Variants in EEF2K observed in about 807,000 individuals in gnomAD.
EEF2K encodes the protein eukaryotic elongation factor 2 kinase, also known as alternative protein EEF2K.
Under a neutral mutation model 93.8 loss-of-function variants are expected in EEF2K, and 70 were observed. The ratio of observed to expected loss-of-function variants is 0.75; its 90% CI spans 0.62 to 0.91. The LOEUF (loss-of-function observed/expected upper bound fraction) is 0.91. Ranked by LOEUF, EEF2K falls within the 40% of genes least tolerant of loss-of-function variation. EEF2K has a pLI of 0.00. For synonymous variants in EEF2K, 376 were observed against 380.8 expected (o/e 0.99, Z 0.15); for missense variants, 935 against 972.9 (o/e 0.96, Z 0.52).
In EEF2K at chr16:22,264,884, A is replaced by G. The variant is rs374793102; in HGVS notation, c.1440+4A>G. ...CAGCCTGGGCAGCTCTGGACGGGTAATGCGCCCTGAGGCACCCTTGTCTCT... is the reference window on the plus strand; with the variant it reads ...CAGCCTGGGCAGCTCTGGACGGGTAGTGCGCCCTGAGGCACCCTTGTCTCT... On this transcript the variant is annotated splice_donor_region_variant and intron_variant, in intron 13 of 17. Transcript: ENST00000263026. 55 of 1,613,840 alleles carry G rather than the reference A, an allele frequency of 3.4e-5. No homozygotes were observed. In the East Asian group the frequency reaches 5.3e-4, roughly 16 times the overall value.
At position 22,206,324 on chromosome 16, in the gene EEF2K, C is replaced by T. The variant is rs966616748; in HGVS notation, c.-432C>T. On this transcript the variant is annotated 5_prime_UTR_variant, in exon 1 of 18. Transcript: ENST00000263026. The stretch of plus-strand genomic sequence containing the variant: ...GCTTCAGCCTCAGCTCCCCTCCTTC[C>T]TGGATCGAGCGCCCGCACTCCCGGC... 1 of 153,020 alleles carries T rather than the reference C, an allele frequency of 6.5e-6. No individual in the cohort carries two copies. Among genetic ancestry groups the T allele is most frequent in the Non-Finnish European group, 1.5e-5 (1 of 68,712 alleles). The allele number at this position is 153,020 out of a possible 1,614,324, so 9.5% of individuals were successfully genotyped here. A position where few individuals can be genotyped will look rare whatever the true frequency, so the allele number is the denominator to read the frequency against.
intron 17 of EEF2K, among the ~76,000 whole-genome samples, chr16:22,280,663 C>CTTTTTT (rs11289061): frequency 5.4e-5 from 7 of 130,158 alleles, no homozygotes; most frequent in South Asian, 2.4e-4. Context: ...TCCTTTCTTT[C>CTTTTTT]TTTTTTTTTT....
At position 22,280,388 on chromosome 16, in the gene EEF2K, C is replaced by A. The variant is rs759861477; in HGVS notation, c.2068+12C>A. On this transcript the variant is annotated intron_variant, in intron 17 of 17. Coordinates refer to ENST00000263026, the MANE Select transcript of EEF2K (RefSeq NM_013302.5). Reference sequence around the variant, plus strand: ...CCCGCAGAGATCAGGTAGGGCCTGGCAGACCTGCCCCTGGGCTGCAACAGG... The same window carrying A: ...CCCGCAGAGATCAGGTAGGGCCTGGAAGACCTGCCCCTGGGCTGCAACAGG... 1 of 1,484,222 alleles carries A rather than the reference C, an allele frequency of 6.7e-7. No homozygotes were observed. Among genetic ancestry groups the A allele is most frequent in the Non-Finnish European group, 9.0e-7 (1 of 1,111,138 alleles). The allele number at this position is 1,484,222 out of a possible 1,614,324, so 91.9% of individuals were successfully genotyped here. A position where few individuals can be genotyped will look rare whatever the true frequency, so the allele number is the denominator to read the frequency against.
rs57073413 is a variant in EEF2K at position 22,247,037 on chromosome 16, CAAAAAAAAAAAAAA to C, written c.348-1701_348-1688del. ...TGGGTGACAGAGCGAGACTCCATCT[CAAAAAAAAAAAAAA>C]AAAAAAAAAAAAAAAAGAAACTAGA... is the stretch of plus-strand genomic sequence containing the variant. On this transcript the variant is annotated intron_variant, in intron 3 of 17. Transcript: ENST00000263026. Among the ~76,000 whole-genome samples, 9 of 13,700 alleles carry C rather than the reference CAAAAAAAAAAAAAA, an allele frequency of 6.6e-4. 1 individual carries two copies. The highest frequency in any genetic ancestry group is 4.2e-3 in the South Asian group (1 of 240). 9.0% of individuals were successfully genotyped at this position (13,700 alleles called of 152,430 possible).
chr16:22,272,102 T>C (rs981409135), intron 15 of EEF2K, among the ~76,000 whole-genome samples: 2 of 152,230 alleles, frequency 1.3e-5, no homozygotes, highest in African/African-American at 2.4e-5. Context: ...GAAAAAACAG[T>C]ACATCAAACC....
Position 22,248,718 on chromosome 16 carries a change from A to T in EEF2K, c.348-37A>T. The T allele has an allele frequency of 3.1e-6, 5 of 1,612,346 alleles. No individual in the cohort carries two copies. In the East Asian group the frequency reaches 1.1e-4, roughly 36 times the overall value. ...AGCCAGTGAGAAACAGGACCACGTG[A>T]TGGACGCTGTGCCCCATGGTGGATG... is the stretch of plus-strand genomic sequence containing the variant. On this transcript the variant is annotated intron_variant, in intron 3 of 17. Transcript: ENST00000263026.
rs2047751867 is a variant in EEF2K, at chr16:22,286,226, C to T, written c.*2230C>T. ...TCATCTGTACCAGATCAGTAGTTGG[C>T]TTGTGTTACATTTTGTGTGTGTGTG... On this transcript the variant is annotated 3_prime_UTR_variant, in exon 18 of 18. Coordinates refer to ENST00000263026, the MANE Select transcript of EEF2K (RefSeq NM_013302.5). The T allele has an allele frequency of 6.6e-6, 1 of 152,104 alleles. No individual in the cohort carries two copies. Among genetic ancestry groups the T allele is most frequent in the Non-Finnish European group, 1.5e-5 (1 of 68,006 alleles). The allele number at this position is 152,104 out of a possible 1,614,324, so 9.4% of individuals were successfully genotyped here.
chr16:22,255,918 AT>A (rs1035703876), intron 6 of EEF2K, among the ~76,000 whole-genome samples: 97 of 144,966 alleles, frequency 6.7e-4, no homozygotes, highest in Middle Eastern at 3.5e-3. Flanking sequence ...TCTAAAATAA[AT>A]TTTTTTTTTT....
intron 2 of EEF2K, among the ~76,000 whole-genome samples, chr16:22,226,514 C>CTTTTTTTTTTTTTTTTTTTTTTTT (rs1393099761): frequency 1.2e-5 from 1 of 84,492 alleles, no homozygotes; most frequent in African/African-American, 6.3e-5. Context: ...TTTCCTTCTT[C>CTTTTTTTTTTTTTTTTTTTTTTTT]TTCTTTTTTT....
At chr16:22,227,270 C>G (rs1598168929) in intron 2 of EEF2K, among the ~76,000 whole-genome samples, 1 of 152,164 alleles carries the variant, frequency 6.6e-6, no homozygotes, top group East Asian at 1.9e-4. Flanking sequence ...GCTGCCCAGG[C>G]TGGAATACAG....
chr16:22,228,006 C>CTTTTTTTTT (rs1051682997), intron 2 of EEF2K, among the ~76,000 whole-genome samples: 9 of 80,028 alleles, frequency 1.1e-4, no homozygotes, highest in East Asian at 4.7e-4. Flanking sequence ...AAACCAAATT[C>CTTTTTTTTT]TTTTTTTTTT....
At chr16:22,272,735 C>G (rs959004372) in intron 15 of EEF2K, among the ~76,000 whole-genome samples, 14 of 150,632 alleles carry the variant, frequency 9.3e-5, no homozygotes, top group African/African-American at 2.9e-4. Flanking sequence ...GATCTCGGTT[C>G]ACTGCAACCT....
intron 2 of EEF2K, among the ~76,000 whole-genome samples, chr16:22,229,563 G>A (rs1001542452): frequency 3.3e-5 from 5 of 152,084 alleles, no homozygotes; most frequent in South Asian, 2.1e-4. Context: ...TTAGCCGGGC[G>A]TGTTGGTGCC....
At chr16:22,226,152 C>T (rs1247435544) in intron 2 of EEF2K, among the ~76,000 whole-genome samples, 177 bp downstream of exon 2, 1 of 152,036 alleles carries the variant, frequency 6.6e-6, no homozygotes, top group African/African-American at 2.4e-5. Context: ...AAATAAATTT[C>T]ATTACCTTGG....
chr16:22,253,052 T>C (rs1047128120), intron 6 of EEF2K, among the ~76,000 whole-genome samples: 1 of 152,146 alleles, frequency 6.6e-6, no homozygotes, highest in Non-Finnish European at 1.5e-5. Flanking sequence ...GTCTGCTCTT[T>C]GGGAAACCCT....
intron 17 of EEF2K, 71 bp from the exon 18 acceptor site, chr16:22,283,816 G>T: frequency 1.4e-6 from 2 of 1,423,914 alleles, no homozygotes; most frequent in Non-Finnish European, 1.9e-6. Context: ...TGGGAGGGGT[G>T]ATGGGGGACA....
chr16:22,258,414 G>T, intron 9 of EEF2K, 80 bp from the exon 10 acceptor site: 1 of 1,468,068 alleles, frequency 6.8e-7, no homozygotes, highest in Non-Finnish European at 9.4e-7. Context: ...GGGTTTCAGG[G>T]TTAGAGGGAA....
At chr16:22,254,149 A>AATG (rs1555472250) in intron 6 of EEF2K, among the ~76,000 whole-genome samples, 2 of 151,946 alleles carry the variant, frequency 1.3e-5, no homozygotes, top group Non-Finnish European at 2.9e-5. Context: ...TAATAATAAT[A>AATG]ATGTGGTTGA....
At chr16:22,246,639 G>A (rs141540614) in intron 3 of EEF2K, among the ~76,000 whole-genome samples, 2 of 152,028 alleles carry the variant, frequency 1.3e-5, no homozygotes, top group East Asian at 3.9e-4. Context: ...CTGGTACTGG[G>A]GCTCAGAAAA....
Sources: gnomAD v4.1 joint callset for allele counts (sites outside exome capture counted in the v4.1 genomes callset) on GRCh38, gnomAD v4.1.1 for gene constraint, MANE v1.5 for transcripts, NCBI Gene and HGNC (gene_info 2026-07-23, HGNC 2026-07-21) for gene names.